The following METTL15 variants were observed in gnomAD, a reference collection of about 807,000 sequenced individuals.
METTL15 encodes the protein methyltransferase 15, mitochondrial 12S rRNA N4-cytidine.
Under a neutral mutation model 38.3 loss-of-function variants are expected in METTL15, and 34 were observed. The ratio of observed to expected loss-of-function variants is 0.89; its 90% CI spans 0.68 to 1.18. The LOEUF is 1.18. Among genes scored for constraint, METTL15 ranks in the 50% most tolerant of loss-of-function variants. METTL15 has a pLI of 0.00. For synonymous variants in METTL15, 162 were observed against 170.9 expected (o/e 0.95, Z 0.41); for missense variants, 438 against 498.4 (o/e 0.88, Z 1.15).
At chr11:28,420,886 GA>G (rs1850813678) in intron 5 of METTL15, among the ~76,000 whole-genome samples, 1 of 151,880 alleles carries the variant, frequency 6.6e-6, no homozygotes. Context: ...AAATGAAATT[GA>G]AATGAAGAAA....
intron 4 of METTL15, among the ~76,000 whole-genome samples, chr11:28,228,256 T>C (rs1441562016): frequency 2.0e-5 from 3 of 151,964 alleles, no homozygotes; most frequent in Non-Finnish European, 4.4e-5. Flanking sequence ...ACTGCTCTTT[T>C]CCTTCTTTTC....
chr11:28,505,471 C>A (rs116234016), intron 6 of METTL15, among the ~76,000 whole-genome samples: 1 of 152,160 alleles, frequency 6.6e-6, no homozygotes, highest in Non-Finnish European at 1.5e-5. Context: ...TAATTATCTC[C>A]GCCCATTAAA....
chr11:28,194,544 G>A (rs6484353), intron 3 of METTL15, among the ~76,000 whole-genome samples: 151,462 of 152,030 alleles, frequency 1, 75,454 homozygotes, highest in Middle Eastern at 1. Flanking sequence ...TAACAGAACT[G>A]TGACCAAGCA....
chr11:28,223,225 G>A (rs576193979), intron 4 of METTL15, among the ~76,000 whole-genome samples: 2 of 152,132 alleles, frequency 1.3e-5, no homozygotes, highest in South Asian at 4.2e-4. Flanking sequence ...TAACAATGGA[G>A]GGAGGTTCAG....
chr11:28,400,340 G>A (rs563764865), intron 5 of METTL15, among the ~76,000 whole-genome samples: 22 of 151,754 alleles, frequency 1.4e-4, no homozygotes, highest in Admixed American at 7.2e-4. Context: ...CTTTAAGAAA[G>A]CATGACTGCA....
intron 4 of METTL15, among the ~76,000 whole-genome samples, chr11:28,281,874 T>C: frequency 6.6e-6 from 1 of 152,216 alleles, no homozygotes; most frequent in East Asian, 1.9e-4. Context: ...GTTTGGGACC[T>C]GCTAGATTGT....
At chr11:28,201,803 T>C (rs1384722968) in intron 3 of METTL15, among the ~76,000 whole-genome samples, 1 of 152,122 alleles carries the variant, frequency 6.6e-6, no homozygotes, top group East Asian at 1.9e-4. Context: ...ATATTAGGGC[T>C]GTCCTCATTG....
At chr11:28,399,638 G>A (rs10767722) in intron 5 of METTL15, among the ~76,000 whole-genome samples, 64,187 of 151,634 alleles carry the variant, frequency 0.42, 14,969 homozygotes, top group Admixed American at 0.54. Flanking sequence ...ATAAGTGGTT[G>A]ATACACATTC....
At chr11:28,166,744 G>A (rs1169092806) in intron 3 of METTL15, among the ~76,000 whole-genome samples, 3 of 152,150 alleles carry the variant, frequency 2.0e-5, no homozygotes, top group Non-Finnish European at 4.4e-5. Flanking sequence ...GAGGTCAGGA[G>A]TTCAAGACCA....
chr11:28,175,775 G>T (rs1165683005), intron 3 of METTL15, among the ~76,000 whole-genome samples: 1 of 151,912 alleles, frequency 6.6e-6, no homozygotes, highest in Non-Finnish European at 1.5e-5. Flanking sequence ...CTTTTTTGCT[G>T]CCATTGCCCT....
intron 2 of METTL15, among the ~76,000 whole-genome samples, chr11:28,110,779 G>A (rs1232284724): frequency 6.6e-6 from 1 of 152,054 alleles, no homozygotes; most frequent in Non-Finnish European, 1.5e-5. Flanking sequence ...TCCTTCATGG[G>A]CATCACTCAC....
intron 4 of METTL15, among the ~76,000 whole-genome samples, chr11:28,266,939 C>G (rs748061204): frequency 6.6e-6 from 1 of 152,062 alleles, no homozygotes; most frequent in Non-Finnish European, 1.5e-5. Flanking sequence ...GTGGGTGGAT[C>G]ACTTGAGGTC....
chr11:28,159,073 C>T (rs1300516815), intron 3 of METTL15, among the ~76,000 whole-genome samples: 1 of 152,106 alleles, frequency 6.6e-6, no homozygotes, highest in Non-Finnish European at 1.5e-5. Flanking sequence ...TTACTTTCTG[C>T]TGGCACAGAG....
chr11:28,238,665 A>T (rs546170409), intron 4 of METTL15, among the ~76,000 whole-genome samples: 1 of 152,216 alleles, frequency 6.6e-6, no homozygotes, highest in Non-Finnish European at 1.5e-5. Flanking sequence ...CCGGTACCTC[A>T]GATGGAAATG....
chr11:28,354,638 C>T (rs1037837579), intron 4 of METTL15, among the ~76,000 whole-genome samples: 2 of 152,098 alleles, frequency 1.3e-5, no homozygotes, highest in African/African-American at 4.8e-5. Context: ...TTGTATCCTA[C>T]TTAGTTCAGC....
intron 3 of METTL15, among the ~76,000 whole-genome samples, chr11:28,127,987 A>G (rs1293148155): frequency 1.3e-5 from 2 of 152,114 alleles, no homozygotes; most frequent in African/African-American, 2.4e-5. Flanking sequence ...CACCATTCAG[A>G]GACTGGTAAA....
intron 3 of METTL15, among the ~76,000 whole-genome samples, chr11:28,135,001 A>AGATTTTTATCACCCATCC (rs1283063569): frequency 6.6e-6 from 1 of 152,206 alleles, no homozygotes; most frequent in Non-Finnish European, 1.5e-5. Flanking sequence ...ATATTGATCC[A>AGATTTTTATCACCCATCC]GATTTTTATC....
intron 6 of METTL15, among the ~76,000 whole-genome samples, chr11:28,439,784 T>G (rs1037108074): frequency 6.6e-6 from 1 of 152,210 alleles, no homozygotes; most frequent in Non-Finnish European, 1.5e-5. Context: ...ATTTAATTGT[T>G]AAGTACTTTC....
chr11:28,311,003 TGA>T (rs150856463), intron 6 of METTL15, among the ~76,000 whole-genome samples: 1,374 of 119,034 alleles, frequency 0.012, 11 homozygotes, highest in African/African-American at 0.013. Context: ...TGTGTGTGTG[TGA>T]GAGAGAGAGA....
Sources: allele counts gnomAD v4.1 joint callset (sites outside exome capture counted in the v4.1 genomes callset), GRCh38; gene constraint gnomAD v4.1.1; transcripts MANE v1.5; gene names NCBI Gene and HGNC (gene_info 2026-07-23, HGNC 2026-07-21).